The following CLVS1 variants were observed in gnomAD, a reference collection of about 807,000 sequenced individuals.
CLVS1 encodes the protein clavesin 1.
In CLVS1, 10 loss-of-function variants were observed where a neutral mutation model predicts 33.1. That is an observed-to-expected ratio of 0.30 (90% CI 0.19 to 0.51). CLVS1 has a LOEUF of 0.51. Ranked by LOEUF, CLVS1 falls within the 20% of genes least tolerant of loss-of-function variation. The probability of loss-of-function intolerance (pLI) is 0.97; values close to 1 mark genes in which losing one functional copy is unlikely to be tolerated. For synonymous variants in CLVS1, 163 were observed against 166.1 expected (o/e 0.98, Z 0.14); for missense variants, 343 against 433.4 (o/e 0.79, Z 1.85).
intron 5 of CLVS1, chr8:61,458,801 C>T (rs1255301165): frequency 3.0e-6 from 1 of 338,444 alleles, no homozygotes; most frequent in Non-Finnish European, 5.4e-6. Context: ...TAGCCCTGGT[C>T]TTCAGGGTGT....
chr8:61,038,298 G>C, the CLVS1 span, among the ~76,000 whole-genome samples: 1 of 152,048 alleles, frequency 6.6e-6, no homozygotes, highest in Non-Finnish European at 1.5e-5. Context: ...GGTCCCCAGG[G>C]AGTTCATAAC....
intron 5 of CLVS1, among the ~76,000 whole-genome samples, chr8:61,495,925 C>G (rs1468535029): frequency 1.4e-4 from 21 of 152,164 alleles, no homozygotes; most frequent in Non-Finnish European, 8.8e-5. Flanking sequence ...TCTGGCTAGC[C>G]TTGGCTGGGC....
At chr8:61,092,592 C>T (rs1805269768) in intron 1 of CLVS1, among the ~76,000 whole-genome samples, 1 of 152,136 alleles carries the variant, frequency 6.6e-6, no homozygotes, top group South Asian at 2.1e-4. Context: ...CTTTTCCAGC[C>T]TTGAGAGGTT....
At chr8:61,138,484 CCACGTGCCAGG>C (rs1806233953) in intron 2 of CLVS1, among the ~76,000 whole-genome samples, 1 of 152,204 alleles carries the variant, frequency 6.6e-6, no homozygotes, top group African/African-American at 2.4e-5. Flanking sequence ...TGAGTGCTTA[CCACGTGCCAGG>C]CACTGTTTTA....
chr8:61,490,346 G>T (rs1157628725), intron 5 of CLVS1, among the ~76,000 whole-genome samples: 1 of 149,954 alleles, frequency 6.7e-6, no homozygotes, highest in African/African-American at 2.5e-5. Flanking sequence ...AAGAAGGAAA[G>T]AAATTTATGG....
intron 3 of CLVS1, among the ~76,000 whole-genome samples, chr8:61,393,819 G>A (rs1814404247): frequency 6.6e-6 from 1 of 152,196 alleles, no homozygotes; most frequent in Admixed American, 6.5e-5. Flanking sequence ...GCAGGGGAGT[G>A]AAGTGGACTC....
At chr8:61,230,090 C>G (rs890275343) in intron 2 of CLVS1, among the ~76,000 whole-genome samples, 1 of 151,958 alleles carries the variant, frequency 6.6e-6, no homozygotes, top group African/African-American at 2.4e-5. Flanking sequence ...GCCTCAGGGT[C>G]GGGGAAGGAG....
chr8:61,130,841 G>A (rs10110500), intron 1 of CLVS1, among the ~76,000 whole-genome samples: 33,906 of 152,034 alleles, frequency 0.22, 4,579 homozygotes, highest in African/African-American at 0.37. Context: ...GGGCTTCCCT[G>A]GACCCCTTTC....
At chr8:61,061,886 G>A (rs549555343) in intron 1 of CLVS1, among the ~76,000 whole-genome samples, 40 of 152,102 alleles carry the variant, frequency 2.6e-4, no homozygotes, top group African/African-American at 4.8e-4. Flanking sequence ...CAGCATATCC[G>A]TAGCACCTGG....
In CLVS1 at chr8:61,270,150, T is replaced by G. The variant is rs554998700; in HGVS notation, c.-151-29527T>G. Among the ~76,000 whole-genome samples the G allele has an allele frequency of 1.9e-3, 293 of 152,314 alleles. 2 individuals are homozygous for G. The highest frequency in any genetic ancestry group is 6.7e-3 in the African/African-American group (278 of 41,552). The stretch of plus-strand genomic sequence containing the variant: ...ATTCAGTATGATATTGGCTGTGGGT[T>G]TGTCGTAGATAGCTCTTATTATTTT... On this transcript the variant is annotated intron_variant, in intron 2 of 2. Coordinates refer to the CLVS1 transcript ENST00000522621.
At chr8:61,188,005 G>A (rs1024275462) in intron 2 of CLVS1, among the ~76,000 whole-genome samples, 6 of 152,052 alleles carry the variant, frequency 3.9e-5, no homozygotes, top group East Asian at 3.8e-4. Context: ...GCATCTGGAA[G>A]CTAGTCCTGA....
chr8:61,157,610 TAGTC>T (rs1432500991), intron 2 of CLVS1, among the ~76,000 whole-genome samples: 6 of 151,936 alleles, frequency 3.9e-5, no homozygotes, highest in Admixed American at 3.3e-4. Flanking sequence ...AAGAAATTGA[TAGTC>T]AATTCACAGA....
At chr8:60,991,207 C>CA in the CLVS1 span, among the ~76,000 whole-genome samples, 8 of 150,190 alleles carry the variant, frequency 5.3e-5, no homozygotes, top group South Asian at 4.2e-4. Context: ...AGAGCTAGCA[C>CA]AAAAAAAAAT....
chr8:61,274,263 G>A (rs1308821604), intron 2 of CLVS1, among the ~76,000 whole-genome samples: 2 of 151,912 alleles, frequency 1.3e-5, no homozygotes, highest in African/African-American at 4.8e-5. Context: ...GCTATTTTAG[G>A]GAATCTATTT....
At chr8:61,014,577 C>G in the CLVS1 span, among the ~76,000 whole-genome samples, 1 of 152,206 alleles carries the variant, frequency 6.6e-6, no homozygotes, top group Non-Finnish European at 1.5e-5. Context: ...AAAGAAATTA[C>G]TGTAACTTGT....
At chr8:61,347,387 C>T (rs1342682303) in intron 2 of CLVS1, among the ~76,000 whole-genome samples, 1 of 151,842 alleles carries the variant, frequency 6.6e-6, no homozygotes, top group Non-Finnish European at 1.5e-5. Flanking sequence ...GCTGTCACTG[C>T]ACAATCTCAC....
chr8:61,431,012 G>T (rs899102196), intron 3 of CLVS1, among the ~76,000 whole-genome samples: 5 of 152,122 alleles, frequency 3.3e-5, no homozygotes, highest in Admixed American at 2.6e-4. Context: ...TACTAAACTC[G>T]CATGCTTGCT....
chr8:61,095,148 T>G (rs1340744460), intron 1 of CLVS1, among the ~76,000 whole-genome samples: 1 of 152,226 alleles, frequency 6.6e-6, no homozygotes, highest in East Asian at 1.9e-4. Flanking sequence ...AAGAAGCCAC[T>G]CTGAGAACTG....
At chr8:61,284,335 T>C (rs1809733875), upstream of CLVS1, among the ~76,000 whole-genome samples, 1 of 152,240 alleles carries the variant, frequency 6.6e-6, no homozygotes, top group Admixed American at 6.5e-5. Context: ...AACAGTAATG[T>C]ACTGTATATT....
Sources: gnomAD v4.1 joint callset for allele counts (sites outside exome capture counted in the v4.1 genomes callset) on GRCh38, gnomAD v4.1.1 for gene constraint, MANE v1.5 for transcripts, NCBI Gene and HGNC (gene_info 2026-07-23, HGNC 2026-07-21) for gene names.